Variants in FBN3 observed in about 807,000 individuals in gnomAD.
FBN3 encodes fibrillin-3.
FBN3 carries 234 observed loss-of-function variants against 330.1 expected under a neutral mutation model. The observed-to-expected ratio is 0.71, with a 90% CI of 0.64 to 0.79. The LOEUF is 0.79. Ranked by LOEUF, FBN3 falls within the 30% of genes least tolerant of loss-of-function variation. The pLI, the probability that FBN3 is intolerant of heterozygous loss-of-function variation, is 0.00. For missense variants in FBN3, 3,606 were observed against 3,886.9 expected (o/e 0.93, Z 1.92); for synonymous variants, 1,458 against 1,517.3 (o/e 0.96, Z 0.91).
chr19:8,125,637 A>C (rs939216487), intron 22 of FBN3, among the ~76,000 whole-genome samples: 7 of 151,990 alleles, frequency 4.6e-5, no homozygotes, highest in Non-Finnish European at 8.8e-5. Context: ...CTAAAAATAC[A>C]AAAATTAGCT....
chr19:8,081,231 C>G, intron 58 of FBN3, 112 bp from the exon 59 acceptor site: 1 of 1,480,012 alleles, frequency 6.8e-7, no homozygotes, highest in Non-Finnish European at 9.3e-7. Context: ...AGAAAGACCT[C>G]GGAGATGGTG....
In FBN3 at chr19:8,095,465, G is replaced by C; in HGVS notation, c.5695C>G (p.Arg1899Gly). 2 of 1,613,556 alleles carry C rather than the reference G, an allele frequency of 1.2e-6. No individual in the cohort carries two copies. The highest frequency in any genetic ancestry group is 2.2e-5 in the East Asian group (1 of 44,826). Reference protein sequence around the residue: ...ECTTLVGQVCRFGHCLNTAGS... With the variant: ...ECTTLVGQVCGFGHCLNTAGS... ...GCTGTGTTGAGGCAATGGCCAAATCGGCACACCTGCCCCACCAGGGTAGTA... is the reference window on the plus strand; with the variant it reads ...GCTGTGTTGAGGCAATGGCCAAATCCGCACACCTGCCCCACCAGGGTAGTA... The change falls in exon 46 of 64, where the codon CGA (arginine) becomes GGA (glycine). Residue 1899 changes from arginine (R) to glycine (G), a missense_variant. By Grantham distance (125) the Arg-to-Gly change is moderately radical (BLOSUM62 -2). Coordinates refer to ENST00000600128, the MANE Select transcript of FBN3 (RefSeq NM_032447.5).
chr19:8,138,194 T>TG lies in FBN3; in HGVS notation c.1147dup (p.His383ProfsTer4), dbSNP rs754703432. ...GGGGATCCCACGCGCATCAGAGCCA[T>TG]GGGGGTTGAGTCGCGCTGGCCCAAG... is the stretch of plus-strand genomic sequence containing the variant. On this transcript the variant is annotated frameshift_variant, in exon 10 of 64. Transcript: ENST00000600128. LOFTEE classifies it high-confidence loss of function. 6.2e-6 allele frequency: 10 copies of TG among 1,612,898 alleles called. No homozygotes were observed. The African/African-American group carries it at 1.1e-4, about 17-fold the overall frequency.
In FBN3 at chr19:8,136,535, C is replaced by G. The variant is rs755558662; in HGVS notation, c.1202-4G>C. The G allele has an allele frequency of 2.5e-6, 4 of 1,613,752 alleles. No homozygotes were observed. The highest frequency in any genetic ancestry group is 2.5e-6 in the Non-Finnish European group (3 of 1,179,844). On this transcript the variant is annotated splice_polypyrimidine_tract_variant and splice_region_variant and intron_variant, in intron 10 of 63. Transcript: ENST00000600128. Reference sequence around the variant, plus strand: ...GTCTGGTTCAGGGTAGCAGTGCCTACGGGTGGGGCCGGCAGAGGCATCTGA... The same window carrying G: ...GTCTGGTTCAGGGTAGCAGTGCCTAGGGGTGGGGCCGGCAGAGGCATCTGA...
chr19:8,084,212 C>G (rs2144643225), intron 56 of FBN3, among the ~76,000 whole-genome samples: 1 of 152,354 alleles, frequency 6.6e-6, no homozygotes, highest in South Asian at 2.1e-4. Context: ...CAGACACTCA[C>G]ATACCTGCCC....
intron 34 of FBN3, 52 bp downstream of exon 34, chr19:8,110,792 CT>C (rs1225924219): frequency 1.9e-6 from 3 of 1,610,302 alleles, no homozygotes; most frequent in Middle Eastern, 1.6e-4. Flanking sequence ...GCCATGTCCC[CT>C]GCCCCAACTC....
chr19:8,102,611 G>T, intron 40 of FBN3, 113 bp downstream of exon 40: 1 of 1,051,902 alleles, frequency 9.5e-7, no homozygotes, highest in Non-Finnish European at 1.4e-6. Context: ...TCAACTCTCT[G>T]GCTCTCATCA....
chr19:8,147,585 C>A, intron 1 of FBN3, 88 bp from the exon 2 acceptor site: 1 of 1,189,124 alleles, frequency 8.4e-7, no homozygotes, highest in Non-Finnish European at 1.1e-6. Flanking sequence ...AGGGTGGTTG[C>A]CAAATGGGGC....
In FBN3 at chr19:8,109,645, C is replaced by T; in HGVS notation, c.4442G>A (p.Gly1481Glu). 6.3e-7 allele frequency: 1 copy of T among 1,593,128 alleles called. No individual in the cohort carries two copies. The highest frequency in any genetic ancestry group is 8.5e-7 in the Non-Finnish European group (1 of 1,169,640). The change falls in exon 35 of 64, where the codon GGA (glycine) becomes GAA (glutamate). Residue 1481 changes from glycine (G) to glutamate (E), a missense_variant. Physicochemically the swap from Gly to Glu is moderately conservative, Grantham distance 98. Coordinates refer to ENST00000600128, the MANE Select transcript of FBN3 (RefSeq NM_032447.5). This position sits in a 1 kb window ranked among gnomAD's most constrained non-coding sequence, Gnocchi z 5.2. ...CATGGACTCACCCACGCAGCCCACTCCGCTGGGGTTCAGCTCAAAATCCTG... is the reference window on the plus strand; with the variant it reads ...CATGGACTCACCCACGCAGCCCACTTCGCTGGGGTTCAGCTCAAAATCCTG... ...CPQDFELNPS[G>E]VGCVDTRAGN...
chr19:8,095,303 G>A (rs542492534), intron 46 of FBN3, 72 bp downstream of exon 46: 40 of 1,485,144 alleles, frequency 2.7e-5, no homozygotes, highest in Non-Finnish European at 3.4e-5. Context: ...TGCTCACCCA[G>A]AAGTACCAAA....
At chr19:8,094,363 C>A in intron 47 of FBN3, 83 bp downstream of exon 47, 1 of 1,460,068 alleles carries the variant, frequency 6.8e-7, no homozygotes, top group East Asian at 2.4e-5. Flanking sequence ...TTCATCACAA[C>A]CCTAGCTGGT....
chr19:8,100,819 A>G, intron 41 of FBN3, 82 bp downstream of exon 41: 2 of 1,040,172 alleles, frequency 1.9e-6, no homozygotes, highest in East Asian at 2.5e-5. Context: ...TAAGGAAAAG[A>G]GCTGTTGAGG....
In FBN3 at chr19:8,110,976, ACCCTG is replaced by A; in HGVS notation, c.4211-14_4211-10del. The A allele has an allele frequency of 6.2e-7, 1 of 1,613,948 alleles. No individual in the cohort carries two copies. Among genetic ancestry groups the A allele is most frequent in the Non-Finnish European group, 8.5e-7 (1 of 1,179,996 alleles). On this transcript the variant is annotated splice_polypyrimidine_tract_variant and intron_variant, in intron 33 of 63. Coordinates refer to ENST00000600128, the MANE Select transcript of FBN3 (RefSeq NM_032447.5). Reference sequence around the variant, plus strand: ...CGCACACTCGTCCACATCTGCGGGGACCCTGGGTCAGCCTGCCCCACCCAGAGTCT... The same window carrying A: ...CGCACACTCGTCCACATCTGCGGGGAGGTCAGCCTGCCCCACCCAGAGTCT...
At chr19:8,130,736 T>C (rs2083126901) in intron 16 of FBN3, among the ~76,000 whole-genome samples, 1 of 149,914 alleles carries the variant, frequency 6.7e-6, no homozygotes, top group Admixed American at 6.7e-5. Flanking sequence ...GTCATGGTGG[T>C]GAGTGCCTGT....
chr19:8,070,964 G>A (rs1428136779), intron 63 of FBN3, among the ~76,000 whole-genome samples: 1 of 151,146 alleles, frequency 6.6e-6, no homozygotes, highest in Non-Finnish European at 1.5e-5. Context: ...AGAGATTGCG[G>A]TCAGCCGAGA....
In FBN3 at chr19:8,109,103, C is replaced by T. The variant is rs2144810211; in HGVS notation, c.4618+124G>A. 1 of 865,100 alleles carries T rather than the reference C, an allele frequency of 1.2e-6. No individual in the cohort carries two copies. The highest frequency in any genetic ancestry group is 2.6e-5 in the East Asian group (1 of 38,184). 53.6% of individuals were successfully genotyped at this position (865,100 alleles called of 1,614,324 possible). The stretch of plus-strand genomic sequence containing the variant: ...GTGACCCAGGATGAGCCCCTCTCCT[C>T]CCCCAGTTCTTGGTTTTCCTGTCGC... On this transcript the variant is annotated intron_variant, in intron 36 of 63. Transcript: ENST00000600128. The surrounding 1 kb of genome is among the most constrained non-coding windows in gnomAD (Gnocchi z 5.2).
intron 22 of FBN3, among the ~76,000 whole-genome samples, chr19:8,124,437 G>A (rs1017628396): frequency 5.3e-5 from 8 of 150,656 alleles, no homozygotes; most frequent in Admixed American, 1.3e-4. Context: ...GTAGAGACTC[G>A]GTTTCACCAC....
intron 13 of FBN3, 25 bp downstream of exon 13, chr19:8,135,936 G>GGGGGGGGGGGGGGGGCCCCCCCCC: frequency 6.0e-5 from 40 of 668,662 alleles, no homozygotes; most frequent in East Asian, 1.6e-4. Context: ...GGAAGCCCCT[G>GGGGGGGGGGGGGGGGCCCCCCCCC]CCCACCCGCC....
rs149168287 is a variant in FBN3, at chr19:8,106,057, C to G, written c.4813+51G>C. On this transcript the variant is annotated intron_variant, in intron 38 of 63. Transcript: ENST00000600128. ...TGTGAGGCTTGGCAGGGCAGGAAGG[C>G]AGGGAGAGAGCGGAAGAGCCTGACC... 8.1e-3 allele frequency: 12,955 copies of G among 1,604,724 alleles called. 65 individuals carry two copies. Among genetic ancestry groups the G allele is most frequent in the Non-Finnish European group, 9.4e-3 (11,072 of 1,173,442 alleles).
Sources: allele counts gnomAD v4.1 joint callset (sites outside exome capture counted in the v4.1 genomes callset), GRCh38; gene constraint gnomAD v4.1.1; non-coding constraint Gnocchi (gnomAD v3.1); transcripts MANE v1.5; gene names NCBI Gene and HGNC (gene_info 2026-07-23, HGNC 2026-07-21).